MYO7B: variants seen among roughly 807,000 people sequenced by gnomAD.
MYO7B encodes unconventional myosin-VIIb.
A neutral mutation model predicts 259.7 loss-of-function variants in MYO7B; 212 were observed. That is an observed-to-expected ratio of 0.82 (90% CI 0.73 to 0.91). The LOEUF is 0.91. Ranked by LOEUF, MYO7B falls within the 40% of genes least tolerant of loss-of-function variation. The probability of loss-of-function intolerance (pLI) is 0.00; values close to 1 mark genes in which losing one functional copy is unlikely to be tolerated. For synonymous variants in MYO7B, 1,197 were observed against 1,166.4 expected (o/e 1.03, Z -0.54); for missense variants, 2,732 against 2,813.5 (o/e 0.97, Z 0.66).
rs759001006 is a variant in MYO7B at position 127,566,823 on chromosome 2, A to AGGTGAGGCAGAGGGG, written c.466_467insGGTGAGGCAGAGGGG (p.Ile156delinsArgTer). ...GAACAAGAGGGACCAGTGCTGCATC[A>AGGTGAGGCAGAGGGG]TCAGGTGAGGCAGAGGGGTCAGGCA... On this transcript the variant is annotated stop_gained and protein_altering_variant, in exon 5 of 48. Coordinates refer to ENST00000409816, the MANE Select transcript of MYO7B (RefSeq NM_001393586.1). LOFTEE classifies it high-confidence loss of function. The AGGTGAGGCAGAGGGG allele has an allele frequency of 9.9e-6, 16 of 1,608,730 alleles. No individual in the cohort carries two copies. The highest frequency in any genetic ancestry group is 1.4e-5 in the Non-Finnish European group (16 of 1,179,238).
At position 127,576,519 on chromosome 2, in the gene MYO7B, C is replaced by A; in HGVS notation, c.736-76C>A. On this transcript the variant is annotated intron_variant, in intron 7 of 47. Transcript: ENST00000409816. The surrounding 1 kb of genome is among the most constrained non-coding windows in gnomAD (Gnocchi z 4.9). ...GAGCGGAGGCCAGGGCTGGGCTGGGCAGAGGCAGTCTGAGGCCCTGAGGCC... is the reference window on the plus strand; with the variant it reads ...GAGCGGAGGCCAGGGCTGGGCTGGGAAGAGGCAGTCTGAGGCCCTGAGGCC... 1 of 902,784 alleles carries A rather than the reference C, an allele frequency of 1.1e-6. No individual in the cohort carries two copies. Among genetic ancestry groups the A allele is most frequent in the Non-Finnish European group, 1.7e-6 (1 of 599,446 alleles). The allele number at this position is 902,784 out of a possible 1,614,324, so 55.9% of individuals were successfully genotyped here.
rs1167753686 is a variant in MYO7B at position 127,559,970 on chromosome 2, G to A, written c.18+230G>A. ...ATGTATAGTTATCCCTCACTTTCAT[G>A]TAGGGCTTAACATGTCCCTTTGTCT... is the stretch of plus-strand genomic sequence containing the variant. On this transcript the variant is annotated intron_variant, in intron 2 of 47. Transcript: ENST00000409816. The surrounding 1 kb of genome is among the most constrained non-coding windows in gnomAD (Gnocchi z 4.1). Among the ~76,000 whole-genome samples, 1 of 151,848 alleles carries A rather than the reference G, an allele frequency of 6.6e-6. No individual in the cohort carries two copies. Among genetic ancestry groups the A allele is most frequent in the African/African-American group, 2.4e-5 (1 of 41,318 alleles).
intron 38 of MYO7B, 88 bp downstream of exon 38, chr2:127,631,841 G>T: frequency 6.7e-7 from 1 of 1,493,846 alleles, no homozygotes; most frequent in Non-Finnish European, 9.0e-7. Context: ...AGAGGACACC[G>T]CAGCTGGTGG....
chr2:127,618,019 G>A (rs866572405), intron 26 of MYO7B, among the ~76,000 whole-genome samples: 1 of 151,832 alleles, frequency 6.6e-6, no homozygotes, highest in African/African-American at 2.4e-5. Flanking sequence ...GTTAGTTCCC[G>A]CAAGTCCCTG....
chr2:127,555,861 T>G (rs1331820399), intron 1 of MYO7B, among the ~76,000 whole-genome samples: 1 of 152,218 alleles, frequency 6.6e-6, no homozygotes, highest in Non-Finnish European at 1.5e-5. Flanking sequence ...AGGAATAGAA[T>G]GTACATTCTG....
At position 127,625,358 on chromosome 2, in the gene MYO7B, G is replaced by C. The variant is rs780170585; in HGVS notation, c.4048-10G>C. On this transcript the variant is annotated splice_polypyrimidine_tract_variant and intron_variant, in intron 30 of 47. Transcript: ENST00000409816. Reference sequence around the variant, plus strand: ...CTCACTCGCCCCCGTGGGTGCCCTGGGCTGTGCAGGAGGAAGAGCTGGTTG... The same window carrying C: ...CTCACTCGCCCCCGTGGGTGCCCTGCGCTGTGCAGGAGGAAGAGCTGGTTG... 6.5e-7 allele frequency: 1 copy of C among 1,546,368 alleles called. No individual in the cohort carries two copies. The highest frequency in any genetic ancestry group is 8.7e-7 in the Non-Finnish European group (1 of 1,145,632).
chr2:127,622,133 G>T, intron 28 of MYO7B, 32 bp downstream of exon 28: 2 of 1,538,532 alleles, frequency 1.3e-6, no homozygotes, highest in African/African-American at 1.4e-5. Flanking sequence ...AGCGGGCAGG[G>T]TGGGGTGGTG....
chr2:127,612,971 A>G (rs1217682353), intron 26 of MYO7B, among the ~76,000 whole-genome samples: 2 of 152,244 alleles, frequency 1.3e-5, no homozygotes, highest in Non-Finnish European at 2.9e-5. Flanking sequence ...AGAAACACGT[A>G]TAGTCAGCCT....
chr2:127,637,438 G>A lies in MYO7B; in HGVS notation c.*21G>A. 1 of 1,478,154 alleles carries A rather than the reference G, an allele frequency of 6.8e-7. No homozygotes were observed. Among genetic ancestry groups the A allele is most frequent in the Non-Finnish European group, 9.0e-7 (1 of 1,108,928 alleles). 91.6% of individuals were successfully genotyped at this position (1,478,154 alleles called of 1,614,324 possible). A position where few individuals can be genotyped will look rare whatever the true frequency, so the allele number is the denominator to read the frequency against. On this transcript the variant is annotated 3_prime_UTR_variant, in exon 48 of 48. Transcript: ENST00000409816. ...CCTAGCAGCGGATGCTGGCGTGTCT[G>A]CTCAGGCGCCCTTCCCGACCTCTAG...
At position 127,590,176 on chromosome 2, in the gene MYO7B, T is replaced by A. The variant is rs757764084; in HGVS notation, c.1939T>A (p.Cys647Ser). The A allele has an allele frequency of 2.5e-6, 4 of 1,612,842 alleles. No homozygotes were observed. The Admixed American group carries it at 6.7e-5, about 27-fold the overall frequency. ...CCAGCTGATGAAAATCCTGACCAAC[T>A]GCCAGCCTTACTTCATCCGCTGCAT... Reference protein sequence around the residue: ...LDQLMKILTNCQPYFIRCIKP... With the variant: ...LDQLMKILTNSQPYFIRCIKP... The change falls in exon 16 of 48, where the codon TGC becomes AGC. Residue 647 changes from cysteine (C) to serine (S), a missense_variant. By Grantham distance (112) the Cys-to-Ser change is moderately radical (BLOSUM62 -1). Around this residue, in one of 3 missense-constraint regions of MYO7B, gnomAD observed 1,906 missense variants for 2,026.4 expected, o/e 0.94. Coordinates refer to ENST00000409816, the MANE Select transcript of MYO7B (RefSeq NM_001393586.1). This position sits in a 1 kb window ranked among gnomAD's most constrained non-coding sequence, Gnocchi z 4.6.
chr2:127,579,700 C>T (rs189951124), intron 9 of MYO7B, among the ~76,000 whole-genome samples: 3 of 152,186 alleles, frequency 2.0e-5, no homozygotes, highest in Admixed American at 2.0e-4. Context: ...ATTCTCCCAC[C>T]TCAGCCTCCT....
chr2:127,556,509 T>A (rs1693641610), intron 1 of MYO7B, among the ~76,000 whole-genome samples: 1 of 152,220 alleles, frequency 6.6e-6, no homozygotes, highest in South Asian at 2.1e-4. Context: ...TTAAAGAGGA[T>A]CTGTTTTGAT....
Position 127,564,277 on chromosome 2 carries a change from T to C in MYO7B, c.132+11T>C, listed in dbSNP as rs1295480656. 3 of 1,551,322 alleles carry C rather than the reference T, an allele frequency of 1.9e-6. No individual in the cohort carries two copies. The highest frequency in any genetic ancestry group is 3.9e-5 in the Admixed American group (2 of 51,316). On this transcript the variant is annotated intron_variant, in intron 3 of 47. Coordinates refer to ENST00000409816, the MANE Select transcript of MYO7B (RefSeq NM_001393586.1). ...GATGACGAGGGCAAGGTCAGTGTTC[T>C]GGGGTTTCCTCTGGGCCCTGCCCTG...
intron 26 of MYO7B, among the ~76,000 whole-genome samples, chr2:127,618,108 G>A (rs914425562): frequency 2.0e-5 from 3 of 151,984 alleles, no homozygotes; most frequent in African/African-American, 7.3e-5. Context: ...GGCCTCTTCA[G>A]GTCCCTTCAG....
intron 1 of MYO7B, among the ~76,000 whole-genome samples, chr2:127,552,526 G>C (rs968199954): frequency 2.6e-5 from 4 of 152,338 alleles, no homozygotes; most frequent in Non-Finnish European, 4.4e-5. Flanking sequence ...TGGAGTGGGG[G>C]CCCCTAGGGC....
intron 21 of MYO7B, 68 bp from the exon 22 acceptor site, chr2:127,608,640 G>A: frequency 2.6e-6 from 4 of 1,515,152 alleles, no homozygotes; most frequent in Non-Finnish European, 2.7e-6. Flanking sequence ...TGCCCTGTGG[G>A]GTAGGCAGGG....
rs1049501014 is a variant in MYO7B at position 127,611,528 on chromosome 2, C to G, written c.3193-722C>G. 5.9e-5 allele frequency among the ~76,000 whole-genome samples: 9 copies of G among 152,168 alleles called. No homozygotes were observed. The highest frequency in any genetic ancestry group is 3.9e-4 in the East Asian group (2 of 5,190). On this transcript the variant is annotated intron_variant, in intron 24 of 47. Transcript: ENST00000409816. This position sits in a 1 kb window ranked among gnomAD's most constrained non-coding sequence, Gnocchi z 5.4. ...GACACAGAGCAGTGAGCCCAGCAAG[C>G]CTCACTGCCCTCACGGACTTTGCCA...
At chr2:127,572,935 CAA>C (rs35705768) in intron 6 of MYO7B, among the ~76,000 whole-genome samples, 2 of 144,274 alleles carry the variant, frequency 1.4e-5, no homozygotes, top group African/African-American at 2.5e-5. Flanking sequence ...CAGTTAGTAC[CAA>C]AAAAAAAAAA....
At chr2:127,606,638 T>G (rs1188363088) in intron 20 of MYO7B, among the ~76,000 whole-genome samples, 1 of 152,210 alleles carries the variant, frequency 6.6e-6, no homozygotes, top group Non-Finnish European at 1.5e-5. Flanking sequence ...GAGTTGGGGT[T>G]TAGATGAGGG....
Sources: gnomAD v4.1 joint callset for allele counts (sites outside exome capture counted in the v4.1 genomes callset) on GRCh38, gnomAD v4.1.1 for gene constraint, gnomAD v4.1.1 regional missense constraint, Gnocchi (gnomAD v3.1) non-coding constraint, MANE v1.5 for transcripts, NCBI Gene and HGNC (gene_info 2026-07-23, HGNC 2026-07-21) for gene names.